Variants in FUT9 observed in about 807,000 individuals in gnomAD.
The protein encoded by FUT9 is fucosyltransferase 9.
FUT9 carries 15 observed loss-of-function variants against 29.7 expected under a neutral mutation model. The observed-to-expected ratio is 0.51, with a 90% CI of 0.34 to 0.78. The LOEUF is 0.78. FUT9 is among the 30% of genes least tolerant of loss of function. FUT9 has a pLI of 0.01. For synonymous variants in FUT9, 169 were observed against 153.7 expected (o/e 1.10, Z -0.74); for missense variants, 319 against 425.4 (o/e 0.75, Z 2.20).
intron 2 of FUT9, among the ~76,000 whole-genome samples, chr6:96,184,683 A>C (rs181322425): frequency 6.6e-6 from 1 of 152,124 alleles, no homozygotes; most frequent in Non-Finnish European, 1.5e-5. Flanking sequence ...ACAACTTTTA[A>C]ATTTCCATCT....
chr6:96,197,000 A>G (rs1349636904), intron 2 of FUT9, among the ~76,000 whole-genome samples: 1 of 152,110 alleles, frequency 6.6e-6, no homozygotes, highest in Admixed American at 6.5e-5. Context: ...GAGGGATTCT[A>G]GTTTCTACTG....
chr6:96,164,783 T>C (rs1404216610), intron 2 of FUT9, among the ~76,000 whole-genome samples: 2 of 152,182 alleles, frequency 1.3e-5, no homozygotes, highest in Non-Finnish European at 2.9e-5. Context: ...GAGGGATCCA[T>C]TCAGTTGGTT....
At chr6:96,025,207 A>C (rs1770143106) in intron 1 of FUT9, among the ~76,000 whole-genome samples, 1 of 151,678 alleles carries the variant, frequency 6.6e-6, no homozygotes, top group Non-Finnish European at 1.5e-5. Context: ...ACCCAGTGCA[A>C]ATCTTAGTAT....
intron 1 of FUT9, among the ~76,000 whole-genome samples, chr6:96,101,522 C>T (rs1056581739): frequency 1.3e-5 from 2 of 151,596 alleles, no homozygotes; most frequent in East Asian, 2.0e-4. Flanking sequence ...GCACTCCAGC[C>T]TGGGCAAACA....
chr6:96,092,130 T>C (rs1014060290), intron 1 of FUT9, among the ~76,000 whole-genome samples: 14 of 152,158 alleles, frequency 9.2e-5, no homozygotes, highest in Admixed American at 8.5e-4. Context: ...AATTGATTGA[T>C]CTATTTATCA....
chr6:96,088,565 TGTGC>T (rs1771360235), intron 1 of FUT9, among the ~76,000 whole-genome samples: 1 of 115,066 alleles, frequency 8.7e-6, no homozygotes, highest in Non-Finnish European at 1.9e-5. Context: ...TGTGTGTGTG[TGTGC>T]GTGCGCGCGC....
intron 1 of FUT9, among the ~76,000 whole-genome samples, chr6:96,072,218 A>G (rs533449246): frequency 1.3e-5 from 2 of 152,340 alleles, no homozygotes; most frequent in Admixed American, 1.3e-4. Context: ...TTCAAACCCA[A>G]TTGACTATAA....
rs756702235 is a variant in FUT9 at position 96,204,382 on chromosome 6, T to C, written c.*147T>C. ...GGTAACGTGTATATTTTGGTGGAGATTTTTAAAAGCTCAGCATGAGCAATC... is the reference window on the plus strand; with the variant it reads ...GGTAACGTGTATATTTTGGTGGAGACTTTTAAAAGCTCAGCATGAGCAATC... On this transcript the variant is annotated 3_prime_UTR_variant, in exon 3 of 3. Coordinates refer to ENST00000302103, the MANE Select transcript of FUT9 (RefSeq NM_006581.4). 2.0e-6 allele frequency: 1 copy of C among 512,170 alleles called. No individual in the cohort carries two copies. The highest frequency in any genetic ancestry group is 3.3e-6 in the Non-Finnish European group (1 of 305,602). The allele number at this position is 512,170 out of a possible 1,614,324, so 31.7% of individuals were successfully genotyped here.
At chr6:96,202,588 A>AT (rs996656911) in intron 2 of FUT9, among the ~76,000 whole-genome samples, 3 of 152,252 alleles carry the variant, frequency 2.0e-5, no homozygotes, top group East Asian at 1.9e-4. Context: ...AAGAGTTGCC[A>AT]TTTTTTTACC....
chr6:96,200,418 C>A (rs1773707369), intron 2 of FUT9, among the ~76,000 whole-genome samples: 1 of 152,076 alleles, frequency 6.6e-6, no homozygotes, highest in African/African-American at 2.4e-5. Context: ...AGTGGTTAAG[C>A]TGGTTACTTG....
chr6:96,053,949 T>C lies in FUT9; in HGVS notation c.-98+37737T>C, dbSNP rs531580865. 3.7e-4 allele frequency among the ~76,000 whole-genome samples: 56 copies of C among 151,718 alleles called. 1 individual carries two copies. The highest frequency in any genetic ancestry group is 1.4e-3 in the Admixed American group (22 of 15,262). ...TGTGAACATAATACTATATGAGATATAAAATAAATAAATCAGGTAAATCAC... is the reference window on the plus strand; with the variant it reads ...TGTGAACATAATACTATATGAGATACAAAATAAATAAATCAGGTAAATCAC... On this transcript the variant is annotated intron_variant, in intron 1 of 2. Transcript: ENST00000302103.
intron 2 of FUT9, among the ~76,000 whole-genome samples, chr6:96,119,915 A>G (rs1438670327): frequency 3.3e-5 from 5 of 152,190 alleles, no homozygotes; most frequent in Admixed American, 6.5e-5. Context: ...TGAGGGGGTT[A>G]TTAACAATAA....
chr6:96,068,199 C>A (rs956026857), intron 1 of FUT9, among the ~76,000 whole-genome samples: 1 of 151,950 alleles, frequency 6.6e-6, no homozygotes, highest in Admixed American at 6.6e-5. Flanking sequence ...GGAAATCAAC[C>A]ATGTACAGGT....
chr6:96,151,877 C>T (rs891197719), intron 2 of FUT9, among the ~76,000 whole-genome samples: 2 of 152,136 alleles, frequency 1.3e-5, no homozygotes, highest in African/African-American at 4.8e-5. Flanking sequence ...TACCATAAAA[C>T]GATTTCTCAA....
chr6:96,052,853 GAGA>G (rs1432728722), intron 1 of FUT9, among the ~76,000 whole-genome samples: 1 of 152,090 alleles, frequency 6.6e-6, no homozygotes, highest in Non-Finnish European at 1.5e-5. Flanking sequence ...GTGGTGTGGA[GAGA>G]AGAATAGAAG....
intron 2 of FUT9, among the ~76,000 whole-genome samples, chr6:96,181,034 G>A (rs1213103592): frequency 6.6e-6 from 1 of 151,824 alleles, no homozygotes; most frequent in Non-Finnish European, 1.5e-5. Context: ...AAAGTAGATA[G>A]GTAAATATAT....
intron 1 of FUT9, among the ~76,000 whole-genome samples, chr6:96,096,461 C>T (rs1771498270): frequency 2.0e-5 from 3 of 152,004 alleles, no homozygotes; most frequent in Admixed American, 2.0e-4. Flanking sequence ...TGACTTTTTA[C>T]CTCACTGATT....
intron 2 of FUT9, among the ~76,000 whole-genome samples, chr6:96,163,385 C>G (rs1263539340): frequency 6.7e-6 from 1 of 149,690 alleles, no homozygotes; most frequent in East Asian, 2.0e-4. Flanking sequence ...TGAGTTATTG[C>G]GGATGAACTG....
chr6:96,016,002 G>C lies in FUT9; in HGVS notation c.-308G>C, dbSNP rs556977876. ...AGCTGTAGCAGCTTCAGCGAAGCCG[G>C]AGATGGGCAGAGAGCGCGCGCGGCG... On this transcript the variant is annotated 5_prime_UTR_variant, in exon 1 of 3. Transcript: ENST00000302103. 1.3e-5 allele frequency: 2 copies of C among 152,034 alleles called. No individual in the cohort carries two copies. Among genetic ancestry groups the C allele is most frequent in the South Asian group, 4.1e-4 (2 of 4,822 alleles). The allele number at this position is 152,034 out of a possible 1,614,324, so 9.4% of individuals were successfully genotyped here. A position where few individuals can be genotyped will look rare whatever the true frequency, so the allele number is the denominator to read the frequency against.
Sources: allele counts gnomAD v4.1 joint callset (sites outside exome capture counted in the v4.1 genomes callset), GRCh38; gene constraint gnomAD v4.1.1; transcripts MANE v1.5; gene names NCBI Gene and HGNC (gene_info 2026-07-23, HGNC 2026-07-21).